The following ZC3H11A variants were observed in gnomAD, a reference collection of about 807,000 sequenced individuals.
The protein encoded by ZC3H11A is zinc finger CCCH domain-containing protein 11A.
ZC3H11A carries 22 observed loss-of-function variants against 90.8 expected under a neutral mutation model. The observed-to-expected ratio is 0.24, with a 90% CI of 0.17 to 0.35. The LOEUF is 0.35. Ranked by LOEUF, ZC3H11A falls within the 10% of genes least tolerant of loss-of-function variation. ZC3H11A has a pLI of 1.00. For synonymous variants in ZC3H11A, 294 were observed against 339.8 expected, an observed-to-expected ratio of 0.87 and a Z score of 1.48; for missense variants, 701 against 964.9, an observed-to-expected ratio of 0.73 and a Z score of 3.62.
At chr1:203,807,216 CTTTA>C (rs376625900) in intron 2 of ZC3H11A, among the ~76,000 whole-genome samples, 1 of 152,180 alleles carries the variant, frequency 6.6e-6, no homozygotes, top group Non-Finnish European at 1.5e-5. Context: ...TTTGCTAATG[CTTTA>C]TTTAGGATTT....
intron 1 of ZC3H11A, chr1:203,797,256 CATG>C (rs1328842028): frequency 5.1e-5 from 13 of 254,390 alleles, no homozygotes; most frequent in South Asian, 4.3e-4. Flanking sequence ...ACTTCTGTAA[CATG>C]AGGACACTGG....
chr1:203,837,953 T>A lies in ZC3H11A; in HGVS notation c.875-13T>A, dbSNP rs775039575. On this transcript the variant is annotated splice_polypyrimidine_tract_variant and intron_variant, in intron 10 of 17. Transcript: ENST00000367210. ...TGACTTGAAATCTTAAACTAAGTTC[T>A]CCCTCTTTATAGGCGGTGACAGTGA... is the stretch of plus-strand genomic sequence containing the variant. 12 of 1,602,902 alleles carry A rather than the reference T, an allele frequency of 7.5e-6. No homozygotes were observed. Among genetic ancestry groups the A allele is most frequent in the Non-Finnish European group, 9.3e-6 (11 of 1,176,964 alleles).
At chr1:203,817,676 T>C (rs12026395) in intron 3 of ZC3H11A, among the ~76,000 whole-genome samples, 48,528 of 151,922 alleles carry the variant, frequency 0.32, 8,615 homozygotes, top group East Asian at 0.74. Context: ...CATATACCTA[T>C]TGCTTTCTGT....
intron 4 of ZC3H11A, among the ~76,000 whole-genome samples, chr1:203,826,040 T>G (rs745822289): frequency 6.6e-6 from 1 of 152,210 alleles, no homozygotes; most frequent in Non-Finnish European, 1.5e-5. Context: ...CCAGGAAAGA[T>G]GTAAAATTTA....
At chr1:203,806,111 C>T in intron 2 of ZC3H11A, 1 of 499,200 alleles carries the variant, frequency 2.0e-6, no homozygotes, top group South Asian at 1.5e-5. Context: ...GTAGGACCCC[C>T]TCTCATCTTG....
intron 9 of ZC3H11A, among the ~76,000 whole-genome samples, chr1:203,833,413 C>T (rs1203838609): frequency 6.7e-6 from 1 of 149,762 alleles, no homozygotes; most frequent in Non-Finnish European, 1.5e-5. Flanking sequence ...GCGCAGTAGT[C>T]CCAGCTACTT....
In ZC3H11A at chr1:203,853,268, C is replaced by T. The variant is rs1689631741; in HGVS notation, c.*869C>T. The stretch of plus-strand genomic sequence containing the variant: ...TTTTATTTCTAACTCTCCCAACAAA[C>T]CCCTGTTGCCCAGTATTTGTTTGGT... On this transcript the variant is annotated 3_prime_UTR_variant, in exon 18 of 18. Transcript: ENST00000367210. 6.6e-6 allele frequency: 1 copy of T among 152,606 alleles called. No homozygotes were observed. The highest frequency in any genetic ancestry group is 6.5e-5 in the Admixed American group (1 of 15,276). The allele number at this position is 152,606 out of a possible 1,614,324, so 9.5% of individuals were successfully genotyped here.
At chr1:203,810,281 G>A (rs1006746237) in intron 2 of ZC3H11A, among the ~76,000 whole-genome samples, 6 of 151,806 alleles carry the variant, frequency 4.0e-5, no homozygotes, top group Non-Finnish European at 8.8e-5. Context: ...TGGCCTTGCC[G>A]TTTTCTTGAA....
In ZC3H11A at chr1:203,827,350, C is replaced by CT. The variant is rs200907717; in HGVS notation, c.175-934dup. Reference sequence around the variant, plus strand: ...ATTCTATTCTAGATGCACAGGTATTCTTTTTTTTTTTTTTTCTCCCAATTT... The same window carrying CT: ...ATTCTATTCTAGATGCACAGGTATTCTTTTTTTTTTTTTTTTCTCCCAATTT... On this transcript the variant is annotated intron_variant, in intron 4 of 17. Transcript: ENST00000367210. Among the ~76,000 whole-genome samples the CT allele has an allele frequency of 3.9e-3, 545 of 140,056 alleles. 4 individuals are homozygous for CT. The highest frequency in any genetic ancestry group is 8.8e-3 in the African/African-American group (340 of 38,448). The allele number at this position is 140,056 out of a possible 152,430, so 91.9% of individuals were successfully genotyped here.
chr1:203,819,578 A>G (rs1213217162), intron 4 of ZC3H11A, among the ~76,000 whole-genome samples: 10 of 104,200 alleles, frequency 9.6e-5, no homozygotes, highest in Non-Finnish European at 3.7e-5. Flanking sequence ...CTTGTTGCCC[A>G]GGCTGGAGTG....
chr1:203,809,826 C>T (rs1371278253), intron 2 of ZC3H11A, among the ~76,000 whole-genome samples: 7 of 151,966 alleles, frequency 4.6e-5, no homozygotes, highest in South Asian at 4.1e-4. Context: ...TGGTGGCAGG[C>T]GCCTGTAATT....
intron 12 of ZC3H11A, among the ~76,000 whole-genome samples, chr1:203,845,368 A>G (rs780506612): frequency 2.6e-5 from 4 of 152,196 alleles, no homozygotes; most frequent in Non-Finnish European, 4.4e-5. Context: ...GATTGAAAGA[A>G]TTTGTGATTT....
chr1:203,800,687 A>C, intron 1 of ZC3H11A: 2 of 378,154 alleles, frequency 5.3e-6, no homozygotes, highest in African/African-American at 2.1e-5. Flanking sequence ...GCTTATACCA[A>C]TGAGAGAGAA....
At chr1:203,805,838 G>A in intron 2 of ZC3H11A, 1 of 906,574 alleles carries the variant, frequency 1.1e-6, no homozygotes, top group South Asian at 1.3e-5. Flanking sequence ...AGTGCTTCTT[G>A]GATTTCATTT....
chr1:203,822,046 C>G (rs12123537), intron 4 of ZC3H11A, among the ~76,000 whole-genome samples: 2 of 152,044 alleles, frequency 1.3e-5, no homozygotes, highest in Non-Finnish European at 2.9e-5. Flanking sequence ...TGTGAGCCAC[C>G]GTGCCTGGCC....
chr1:203,819,042 C>T lies in ZC3H11A; in HGVS notation c.174+353C>T, dbSNP rs537686729. ...TGAGATCGCACCACTGCACTCCAGC[C>T]TGGTGACAGAGCAACACTCCGTCTC... On this transcript the variant is annotated intron_variant, in intron 4 of 17. Coordinates refer to ENST00000367210, the MANE Select transcript of ZC3H11A (RefSeq NM_001376342.1). Among the ~76,000 whole-genome samples, 10 of 148,518 alleles carry T rather than the reference C, an allele frequency of 6.7e-5. No homozygotes were observed. The East Asian group carries it at 1.9e-3, about 28-fold the overall frequency.
intron 12 of ZC3H11A, among the ~76,000 whole-genome samples, chr1:203,841,581 ATCTC>A (rs768153052): frequency 2.0e-5 from 3 of 152,202 alleles, no homozygotes; most frequent in Non-Finnish European, 4.4e-5. Context: ...TAACAATCTG[ATCTC>A]TCTTTCTTTT....
At chr1:203,829,981 C>G in intron 7 of ZC3H11A, 85 bp downstream of exon 7, 2 of 1,407,766 alleles carry the variant, frequency 1.4e-6, no homozygotes, top group South Asian at 1.2e-5. Flanking sequence ...CCTCCCTCTT[C>G]TTTTTCCCAT....
At chr1:203,818,508 T>A (rs945119860) in intron 3 of ZC3H11A, 62 bp from the exon 4 acceptor site, 24 of 1,606,840 alleles carry the variant, frequency 1.5e-5, no homozygotes, top group Non-Finnish European at 2.0e-5. Flanking sequence ...GCTCTTGTTA[T>A]GGATATTTTA....
Sources: allele counts gnomAD v4.1 joint callset (sites outside exome capture counted in the v4.1 genomes callset), GRCh38; gene constraint gnomAD v4.1.1; transcripts MANE v1.5; gene names NCBI Gene and HGNC (gene_info 2026-07-23, HGNC 2026-07-21).